AHRR: variants seen among roughly 807,000 people sequenced by gnomAD.
AHRR encodes the protein ahR repressor.
In AHRR, 28 loss-of-function variants were observed where a neutral mutation model predicts 44.0. The ratio of observed to expected loss-of-function variants is 0.64; its 90% CI spans 0.47 to 0.87. The LOEUF (loss-of-function observed/expected upper bound fraction) is 0.87, where lower values mean the gene tolerates loss of function less well. Ranked by LOEUF, AHRR falls within the 40% of genes least tolerant of loss-of-function variation. AHRR has a pLI of 0.00. For missense variants in AHRR, 990 were observed against 953.9 expected, an observed-to-expected ratio of 1.04 and a Z score of -0.50; for synonymous variants, 434 against 407.0, an observed-to-expected ratio of 1.07 and a Z score of -0.80.
At chr5:343,064 G>A (rs1742398213) in intron 1 of AHRR, among the ~76,000 whole-genome samples, 2 of 152,200 alleles carry the variant, frequency 1.3e-5, no homozygotes, top group African/African-American at 4.8e-5. Flanking sequence ...GATGAGAAGA[G>A]CAAGACCTGC....
chr5:432,672 G>A (rs1004561513), intron 9 of AHRR, 134 bp from the exon 10 acceptor site: 4 of 1,523,628 alleles, frequency 2.6e-6, no homozygotes, highest in African/African-American at 2.8e-5. Context: ...CTGTGGACAA[G>A]TGCCGTTCCT....
rs1734066536 is a variant in AHRR, at chr5:383,597, C to G, written c.351+6881C>G. On this transcript the variant is annotated intron_variant, in intron 4 of 10. Transcript: ENST00000684583. The surrounding 1 kb of genome is among the most constrained non-coding windows in gnomAD (Gnocchi z 4.0). Reference sequence around the variant, plus strand: ...TTTTTAATACAGACAGGGTCTTGCTCTGTCACCCAGGCTGAAGTGCAGCAA... The same window carrying G: ...TTTTTAATACAGACAGGGTCTTGCTGTGTCACCCAGGCTGAAGTGCAGCAA... Among the ~76,000 whole-genome samples the G allele has an allele frequency of 6.6e-6, 1 of 150,562 alleles. No homozygotes were observed. Among genetic ancestry groups the G allele is most frequent in the South Asian group, 2.1e-4 (1 of 4,780 alleles).
At chr5:421,313 G>A (rs962146446) in intron 5 of AHRR, 2 of 696,870 alleles carry the variant, frequency 2.9e-6, no homozygotes, top group East Asian at 5.5e-5. Context: ...GTGCCCCCAC[G>A]GTCGCGATGC....
At chr5:348,347 T>G (rs1167089613) in intron 2 of AHRR, among the ~76,000 whole-genome samples, 1 of 151,686 alleles carries the variant, frequency 6.6e-6, no homozygotes, top group Non-Finnish European at 1.5e-5. Flanking sequence ...TTTTTTTTTT[T>G]GCATTTTGAT....
At chr5:328,120 T>G (rs574714772) in intron 1 of AHRR, among the ~76,000 whole-genome samples, 1 of 152,296 alleles carries the variant, frequency 6.6e-6, no homozygotes, top group Admixed American at 6.5e-5. Flanking sequence ...GAACTCATCA[T>G]TTTTGATGGC....
intron 1 of AHRR, chr5:343,495 T>TACCTTCTCGGGGGTGACGGGAACACG (rs1410751901): frequency 1.4e-4 from 34 of 239,094 alleles, no homozygotes; most frequent in Non-Finnish European, 2.3e-4. Flanking sequence ...GGATCCCGCG[T>TACCTTCTCGGGGGTGACGGGAACACG]GACGAGTGTT....
Position 353,844 on chromosome 5 carries a change from C to T in AHRR, c.177C>T (p.Ser59=). The T allele has an allele frequency of 6.2e-7, 1 of 1,614,148 alleles. No individual in the cohort carries two copies. Residue 59 remains serine, a synonymous_variant, in exon 3 of 11, where the codon TCC becomes TCT. Coordinates refer to ENST00000684583, the MANE Select transcript of AHRR (RefSeq NM_001377236.1). ...TGCCGTTCCCGCCTGACATCATCTC[C>T]AAGCTGGACAAGCTTTCTGTCCTGC... ...SLLPFPPDII[S]KLDKLSVLRL...
chr5:425,631 C>T (rs961770654), intron 7 of AHRR, among the ~76,000 whole-genome samples: 3 of 152,174 alleles, frequency 2.0e-5, no homozygotes, highest in Admixed American at 2.0e-4. Flanking sequence ...ATTAAAAACT[C>T]TTATTTCTAG....
At chr5:327,297 A>G (rs1741745017) in intron 1 of AHRR, among the ~76,000 whole-genome samples, 4 of 152,180 alleles carry the variant, frequency 2.6e-5, no homozygotes, top group Admixed American at 2.6e-4. Context: ...CATAGTGATC[A>G]AGTCAAAGTT....
chr5:340,220 T>G (rs1742282700), intron 1 of AHRR, among the ~76,000 whole-genome samples: 1 of 152,326 alleles, frequency 6.6e-6, no homozygotes, highest in South Asian at 2.1e-4. Context: ...CTGTTTTTTC[T>G]TGAGTTTTGA....
At chr5:363,013 G>A (rs900568460) in intron 3 of AHRR, among the ~76,000 whole-genome samples, 10 of 152,196 alleles carry the variant, frequency 6.6e-5, no homozygotes, top group Admixed American at 5.9e-4. Flanking sequence ...CCACTAATGT[G>A]GCCCCACACA....
rs1734209631 is a variant in AHRR at position 387,396 on chromosome 5, G to A, written c.351+10680G>A. 6.6e-6 allele frequency among the ~76,000 whole-genome samples: 1 copy of A among 152,234 alleles called. No homozygotes were observed. Among genetic ancestry groups the A allele is most frequent in the Admixed American group, 6.5e-5 (1 of 15,286 alleles). On this transcript the variant is annotated intron_variant, in intron 4 of 10. Coordinates refer to ENST00000684583, the MANE Select transcript of AHRR (RefSeq NM_001377236.1). This position sits in a 1 kb window ranked among gnomAD's most constrained non-coding sequence, Gnocchi z 5.1. ...GCCAGGACAAAGTGGTGAGAGAAAG[G>A]GAGGAAAAAATAATGAGGATTGCCC...
chr5:418,468 T>C (rs75431742), intron 5 of AHRR, among the ~76,000 whole-genome samples: 2,302 of 152,352 alleles, frequency 0.015, 39 homozygotes, highest in African/African-American at 0.042. Context: ...CCAGCTCTCC[T>C]GCACCCTCCT....
Position 434,282 on chromosome 5 carries a change from T to C in AHRR, c.1542T>C (p.Gly514=), listed in dbSNP as rs1736886218. 6.2e-7 allele frequency: 1 copy of C among 1,606,462 alleles called. No individual in the cohort carries two copies. Residue 514 remains glycine (G), a synonymous_variant, in exon 11 of 11, where the codon GGT becomes GGC. Transcript: ENST00000684583. ...CCATGGAGGACATGAAGCTGCAAGG[T>C]GTACCGATGCCTCCGGGGGACCTGT... ...GYPMEDMKLQ[G]VPMPPGDLCG... is the part of the protein sequence containing the mutation.
Position 365,363 on chromosome 5 carries a change from G to A in AHRR, c.245-11247G>A, listed in dbSNP as rs138824999. Reference sequence around the variant, plus strand: ...TAATAACAAGATAACTTGAAAACCCGTATAGTTGGAAATAAATAAACACAC... The same window carrying A: ...TAATAACAAGATAACTTGAAAACCCATATAGTTGGAAATAAATAAACACAC... On this transcript the variant is annotated intron_variant, in intron 3 of 10. Coordinates refer to ENST00000684583, the MANE Select transcript of AHRR (RefSeq NM_001377236.1). 6.9e-3 allele frequency among the ~76,000 whole-genome samples: 1,054 copies of A among 152,204 alleles called. 12 individuals carry two copies. The highest frequency in any genetic ancestry group is 0.02 in the African/African-American group (837 of 41,550).
intron 3 of AHRR, among the ~76,000 whole-genome samples, chr5:375,720 C>T (rs1399591414): frequency 2.0e-5 from 3 of 152,190 alleles, no homozygotes; most frequent in Non-Finnish European, 4.4e-5. Context: ...CGCACTGGGG[C>T]CAGCTGCTTG....
intron 8 of AHRR, among the ~76,000 whole-genome samples, chr5:430,105 TG>T (rs1736656663): frequency 6.6e-6 from 1 of 152,076 alleles, no homozygotes; most frequent in Admixed American, 6.5e-5. Flanking sequence ...GCAGGCGCGT[TG>T]GGGTGATCTT....
chr5:335,567 G>C (rs1444741728), intron 1 of AHRR, among the ~76,000 whole-genome samples: 1 of 152,114 alleles, frequency 6.6e-6, no homozygotes, highest in Non-Finnish European at 1.5e-5. Flanking sequence ...CTAGCCCCCT[G>C]AGTGCATGCA....
At chr5:344,064 A>T in intron 2 of AHRR, 100 bp downstream of exon 2, 2 of 1,326,018 alleles carry the variant, frequency 1.5e-6, no homozygotes, top group South Asian at 1.3e-5. Context: ...AGGGCGAGCG[A>T]GGAAGGCTTC....
Sources: gnomAD v4.1 joint callset for allele counts (sites outside exome capture counted in the v4.1 genomes callset) on GRCh38, gnomAD v4.1.1 for gene constraint, Gnocchi (gnomAD v3.1) non-coding constraint, MANE v1.5 for transcripts, NCBI Gene and HGNC (gene_info 2026-07-23, HGNC 2026-07-21) for gene names.